The following GAB4 variants were observed in gnomAD, a reference collection of about 807,000 sequenced individuals.
The protein encoded by GAB4 is GRB2-associated-binding protein 4.
Under a neutral mutation model 51.3 loss-of-function variants are expected in GAB4, and 26 were observed. The ratio of observed to expected loss-of-function variants is 0.51; its 90% CI spans 0.37 to 0.70. The LOEUF is 0.70. Ranked by LOEUF, GAB4 falls within the 30% of genes least tolerant of loss-of-function variation. The pLI is 0.00. For missense variants in GAB4, 759 were observed against 734.6 expected (o/e 1.03, Z -0.38); for synonymous variants, 329 against 291.2 (o/e 1.13, Z -1.32).
At chr22:16,980,804 G>A (rs1257730841) in intron 3 of GAB4, among the ~76,000 whole-genome samples, 7 of 152,098 alleles carry the variant, frequency 4.6e-5, no homozygotes, top group Admixed American at 3.9e-4. Context: ...TGGCACATAT[G>A]CACCGTGGAA....
intron 3 of GAB4, among the ~76,000 whole-genome samples, chr22:16,986,281 T>C (rs1159374269): frequency 6.6e-6 from 1 of 152,156 alleles, no homozygotes; most frequent in Non-Finnish European, 1.5e-5. Flanking sequence ...AACAAGCATC[T>C]CAGCAAGCTC....
chr22:16,978,368 G>A (rs1601262215), intron 3 of GAB4, among the ~76,000 whole-genome samples: 1 of 152,118 alleles, frequency 6.6e-6, no homozygotes, highest in Non-Finnish European at 1.5e-5. Flanking sequence ...CGACCCCACA[G>A]AAATACCAAC....
chr22:16,967,301 G>T, intron 5 of GAB4: 1 of 153,176 alleles, frequency 6.5e-6, no homozygotes, highest in Non-Finnish European at 1.5e-5. Flanking sequence ...TGCAGATGTG[G>T]CTCAGCACCC....
At chr22:16,967,865 C>G (rs2123647863) in intron 5 of GAB4, among the ~76,000 whole-genome samples, 1 of 152,322 alleles carries the variant, frequency 6.6e-6, no homozygotes, top group Admixed American at 6.5e-5. Flanking sequence ...GAGGCTCACA[C>G]AGAAGCACCC....
At chr22:16,975,926 A>G (rs552629208) in intron 3 of GAB4, among the ~76,000 whole-genome samples, 115 of 152,324 alleles carry the variant, frequency 7.5e-4, no homozygotes, top group African/African-American at 2.4e-3. Context: ...GTAGAGCTGC[A>G]GCAGAGGGGT....
At chr22:17,000,530 G>T (rs1167916219) in intron 1 of GAB4, among the ~76,000 whole-genome samples, 1 of 152,006 alleles carries the variant, frequency 6.6e-6, no homozygotes, top group Admixed American at 6.6e-5. Flanking sequence ...GCCTATGTGT[G>T]TCTCTGCACG....
At chr22:16,978,209 C>T (rs189562933) in intron 3 of GAB4, among the ~76,000 whole-genome samples, 9 of 152,002 alleles carry the variant, frequency 5.9e-5, no homozygotes, top group Admixed American at 4.6e-4. Flanking sequence ...TATAGAGACA[C>T]AAAAAAACCT....
intron 1 of GAB4, among the ~76,000 whole-genome samples, chr22:16,994,620 A>T (rs1470607970): frequency 6.6e-6 from 1 of 152,202 alleles, no homozygotes; most frequent in Non-Finnish European, 1.5e-5. Context: ...TATTAAGTTT[A>T]TATGTTCACC....
intron 5 of GAB4, 84 bp downstream of exon 5, chr22:16,968,214 T>C (rs2060697644): frequency 3.2e-6 from 3 of 948,754 alleles, no homozygotes; most frequent in Non-Finnish European, 5.2e-6. Context: ...CTGTCACCCT[T>C]TGGGGGATGT....
intron 3 of GAB4, among the ~76,000 whole-genome samples, chr22:16,984,961 T>G (rs1239263939): frequency 6.6e-6 from 1 of 152,340 alleles, no homozygotes; most frequent in African/African-American, 2.4e-5. Context: ...GGCAAATCCA[T>G]GGAAGACAGA....
intron 5 of GAB4, among the ~76,000 whole-genome samples, chr22:16,967,829 C>G (rs1347667857): frequency 6.6e-6 from 1 of 152,190 alleles, no homozygotes; most frequent in East Asian, 1.9e-4. Context: ...TCCACCTCAC[C>G]TGACTCTGAG....
intron 1 of GAB4, among the ~76,000 whole-genome samples, chr22:16,995,706 C>A (rs546037868): frequency 6.6e-6 from 1 of 152,188 alleles, no homozygotes; most frequent in Admixed American, 6.5e-5. Context: ...CTCCAGCAGA[C>A]CTGCAGAAGA....
chr22:16,978,514 A>C (rs2060800194), intron 3 of GAB4, among the ~76,000 whole-genome samples: 1 of 152,206 alleles, frequency 6.6e-6, no homozygotes, highest in Non-Finnish European at 1.5e-5. Flanking sequence ...GGACAATAAC[A>C]AGTTCTGAAA....
chr22:16,974,544 G>T (rs1246012208), intron 3 of GAB4, among the ~76,000 whole-genome samples: 2 of 152,190 alleles, frequency 1.3e-5, no homozygotes, highest in African/African-American at 4.8e-5. Flanking sequence ...ACAGAGGCTG[G>T]TGGCATGTGG....
At chr22:16,969,430 TAACAGCCTCCAGTG>T (rs1382971001) in intron 4 of GAB4, among the ~76,000 whole-genome samples, 1 of 152,228 alleles carries the variant, frequency 6.6e-6, no homozygotes, top group African/African-American at 2.4e-5. Flanking sequence ...GGGTGTCTAT[TAACAGCCTCCAGTG>T]CTGGGGGACC....
intron 4 of GAB4, among the ~76,000 whole-genome samples, chr22:16,968,786 C>G (rs959206772): frequency 2.3e-4 from 35 of 152,166 alleles, no homozygotes; most frequent in African/African-American, 7.2e-4. Flanking sequence ...TTTATATATA[C>G]CTCTATCATT....
At chr22:16,966,046 A>G in intron 6 of GAB4, 54 bp downstream of exon 6, 1 of 1,552,764 alleles carries the variant, frequency 6.4e-7, no homozygotes, top group Non-Finnish European at 8.9e-7. Flanking sequence ...CTGACACCTA[A>G]GCGAATGCAG....
intron 3 of GAB4, among the ~76,000 whole-genome samples, chr22:16,981,795 C>A (rs2060829389): frequency 6.6e-6 from 1 of 151,970 alleles, no homozygotes; most frequent in African/African-American, 2.4e-5. Context: ...CAAAAACAGA[C>A]AAAGATACAA....
At chr22:16,981,458 A>C (rs1248878502) in intron 3 of GAB4, among the ~76,000 whole-genome samples, 1 of 152,148 alleles carries the variant, frequency 6.6e-6, no homozygotes, top group East Asian at 1.9e-4. Flanking sequence ...ACATCTGATA[A>C]GACAAAAATT....
Sources: gnomAD v4.1 joint callset for allele counts (sites outside exome capture counted in the v4.1 genomes callset) on GRCh38, gnomAD v4.1.1 for gene constraint, MANE v1.5 for transcripts, NCBI Gene and HGNC (gene_info 2026-07-23, HGNC 2026-07-21) for gene names.